The following SLC25A42 variants were observed in gnomAD, a reference collection of about 807,000 sequenced individuals.
SLC25A42 encodes the protein solute carrier family 25 member 42, also known as mitochondrial coenzyme A transporter SLC25A42.
SLC25A42 carries 19 observed loss-of-function variants against 34.7 expected under a neutral mutation model. The observed-to-expected ratio is 0.55, with a 90% CI of 0.38 to 0.80. The LOEUF is 0.80. Ranked by LOEUF, SLC25A42 falls within the 30% of genes least tolerant of loss-of-function variation. The pLI is 0.00. For synonymous variants in SLC25A42, 205 were observed against 191.2 expected (o/e 1.07, Z -0.59); for missense variants, 364 against 441.3 (o/e 0.82, Z 1.57).
chr19:19,110,057 T>A (rs957479362), intron 7 of SLC25A42, among the ~76,000 whole-genome samples: 2 of 152,090 alleles, frequency 1.3e-5, no homozygotes, highest in African/African-American at 4.8e-5. Flanking sequence ...TAAGAAATTT[T>A]ATTTCTCGGC....
intron 3 of SLC25A42, among the ~76,000 whole-genome samples, chr19:19,102,749 A>C (rs1373889927): frequency 5.5e-5 from 3 of 54,114 alleles, no homozygotes; most frequent in Non-Finnish European, 1.2e-4. Context: ...CTCAAAAATA[A>C]ATAAATAAAT....
chr19:19,089,141 C>A (rs1298685714), intron 1 of SLC25A42, among the ~76,000 whole-genome samples: 1 of 152,226 alleles, frequency 6.6e-6, no homozygotes, highest in Non-Finnish European at 1.5e-5. Context: ...GGCACCTGTT[C>A]TTTCTGTACT....
intron 1 of SLC25A42, among the ~76,000 whole-genome samples, chr19:19,078,233 G>A (rs79945266): frequency 0.014 from 2,171 of 152,260 alleles, 49 homozygotes; most frequent in African/African-American, 0.047. Flanking sequence ...GGAGGTGGGA[G>A]ACCCAGCCGG....
At chr19:19,088,983 T>C (rs1343036820) in intron 1 of SLC25A42, among the ~76,000 whole-genome samples, 1 of 151,910 alleles carries the variant, frequency 6.6e-6, no homozygotes, top group African/African-American at 2.4e-5. Context: ...AATTTTTGTA[T>C]TTTTAGTAGA....
chr19:19,065,926 G>A (rs902892391), intron 1 of SLC25A42, among the ~76,000 whole-genome samples: 8 of 151,768 alleles, frequency 5.3e-5, no homozygotes, highest in African/African-American at 9.7e-5. Flanking sequence ...GTGTGATCTC[G>A]GCTCACGGCA....
At chr19:19,083,948 A>G (rs1381416516) in intron 1 of SLC25A42, among the ~76,000 whole-genome samples, 1 of 140,294 alleles carries the variant, frequency 7.1e-6, no homozygotes, top group Non-Finnish European at 1.5e-5. Context: ...GCACCCCACC[A>G]CCCCAGCGTG....
intron 1 of SLC25A42, among the ~76,000 whole-genome samples, chr19:19,073,862 C>A (rs2059643070): frequency 6.6e-6 from 1 of 152,232 alleles, no homozygotes; most frequent in African/African-American, 2.4e-5. Flanking sequence ...GCGTGAGCCA[C>A]TGTGCCCAGC....
intron 2 of SLC25A42, 85 bp downstream of exon 2, chr19:19,096,290 C>T: frequency 9.6e-7 from 1 of 1,044,206 alleles, no homozygotes. Context: ...GCCTCCTCCT[C>T]CCAGCCTCTG....
At chr19:19,077,057 A>G (rs1360513608) in intron 1 of SLC25A42, among the ~76,000 whole-genome samples, 1 of 152,044 alleles carries the variant, frequency 6.6e-6, no homozygotes, top group East Asian at 1.9e-4. Context: ...GGTGGCCCAC[A>G]CCTGTAGCCC....
In SLC25A42 at chr19:19,092,326, C is replaced by T. The variant is rs2059742413; in HGVS notation, c.-34-3765C>T. 2.0e-5 allele frequency among the ~76,000 whole-genome samples: 3 copies of T among 152,252 alleles called. No individual in the cohort carries two copies. The South Asian group carries it at 6.2e-4, about 31-fold the overall frequency. On this transcript the variant is annotated intron_variant, in intron 1 of 7. Coordinates refer to ENST00000318596, the MANE Select transcript of SLC25A42 (RefSeq NM_178526.5). Reference sequence around the variant, plus strand: ...TTCCACCCCCTCCAGTTACGTCCCCCAGCCCCAGCTGCCCTCAGTGCTCTG... The same window carrying T: ...TTCCACCCCCTCCAGTTACGTCCCCTAGCCCCAGCTGCCCTCAGTGCTCTG...
At chr19:19,092,855 C>T (rs757210592) in intron 1 of SLC25A42, among the ~76,000 whole-genome samples, 4 of 152,100 alleles carry the variant, frequency 2.6e-5, no homozygotes, top group South Asian at 4.1e-4. Context: ...GGGTCTGTAG[C>T]GGCAGGGGTG....
intron 2 of SLC25A42, 76 bp from the exon 3 acceptor site, chr19:19,101,705 A>C (rs2059797191): frequency 5.3e-6 from 7 of 1,328,300 alleles, no homozygotes; most frequent in Non-Finnish European, 7.3e-6. Flanking sequence ...GGGTGTAAGG[A>C]AGGCACTTCT....
At chr19:19,102,242 CT>C in intron 3 of SLC25A42, among the ~76,000 whole-genome samples, 1 of 151,954 alleles carries the variant, frequency 6.6e-6, no homozygotes, top group Middle Eastern at 3.4e-3. Context: ...ATCTCCTGAC[CT>C]CGTAATCCGC....
chr19:19,078,915 GC>G (rs2059668185), intron 1 of SLC25A42, among the ~76,000 whole-genome samples: 1 of 150,856 alleles, frequency 6.6e-6, no homozygotes, highest in South Asian at 2.1e-4. Context: ...GCAGTGGCGC[GC>G]TCTTGGCTCA....
At position 19,106,270 on chromosome 19, in the gene SLC25A42, G is replaced by T. The variant is rs1447440705; in HGVS notation, c.382G>T (p.Ala128Ser). ...LGSYYGFRGE[A>S]LPPWPRLFAG... is the part of the protein sequence containing the mutation. The stretch of plus-strand genomic sequence containing the variant: ...GCCTTCTCCTCCTGCCCTGTTCAGA[G>T]CCCTGCCCCCTTGGCCTCGCCTCTT... The change falls in exon 6 of 8, where the codon GCC becomes TCC. Residue 128 changes from alanine (A) to serine (S), a missense_variant and splice_region_variant. Physicochemically the swap from Ala to Ser is moderately conservative, Grantham distance 99. Coordinates refer to ENST00000318596, the MANE Select transcript of SLC25A42 (RefSeq NM_178526.5). 6 of 1,610,754 alleles carry T rather than the reference G, an allele frequency of 3.7e-6. No homozygotes were observed. Among genetic ancestry groups the T allele is most frequent in the African/African-American group, 1.3e-5 (1 of 74,918 alleles).
intron 1 of SLC25A42, among the ~76,000 whole-genome samples, chr19:19,064,708 T>C: frequency 7.3e-6 from 1 of 137,510 alleles, no homozygotes. Context: ...GCCCCACACC[T>C]CTGTCTCCCC....
chr19:19,092,343 A>G (rs779196895), intron 1 of SLC25A42, among the ~76,000 whole-genome samples: 1 of 152,136 alleles, frequency 6.6e-6, no homozygotes, highest in Non-Finnish European at 1.5e-5. Flanking sequence ...AGCTGCCCTC[A>G]GTGCTCTGTC....
rs192837564 is a variant in SLC25A42, at chr19:19,085,615, G to T, written c.-34-10476G>T. ...AGGCTGGTCTTGAACTTCAGGTGAG[G>T]CCGGCCTTGGCCTCCCAAAGTGTTA... On this transcript the variant is annotated intron_variant, in intron 1 of 7. Transcript: ENST00000318596. 4.9e-3 allele frequency among the ~76,000 whole-genome samples: 747 copies of T among 152,302 alleles called. 9 individuals carry two copies. Among genetic ancestry groups the T allele is most frequent in the Middle Eastern group, 0.02 (6 of 294 alleles).
intron 4 of SLC25A42, 72 bp from the exon 5 acceptor site, chr19:19,105,489 C>G (rs1842368689): frequency 1.3e-6 from 2 of 1,554,374 alleles, no homozygotes; most frequent in Non-Finnish European, 1.7e-6. Flanking sequence ...TTTGGGCGCT[C>G]TGCTGGTCAC....
Sources: gnomAD v4.1 joint callset for allele counts (sites outside exome capture counted in the v4.1 genomes callset) on GRCh38, gnomAD v4.1.1 for gene constraint, MANE v1.5 for transcripts, NCBI Gene and HGNC (gene_info 2026-07-23, HGNC 2026-07-21) for gene names.